Variants in GPS2 observed in about 807,000 individuals in gnomAD.
GPS2 encodes the protein G protein pathway suppressor 2.
In GPS2, 22 loss-of-function variants were observed where a neutral mutation model predicts 48.1. The ratio of observed to expected loss-of-function variants is 0.46; its 90% CI spans 0.33 to 0.65. The LOEUF (loss-of-function observed/expected upper bound fraction) is 0.65. Ranked by LOEUF, GPS2 falls within the 30% of genes least tolerant of loss-of-function variation. GPS2 has a pLI of 0.03. For missense variants in GPS2, 366 were observed against 406.8 expected, an observed-to-expected ratio of 0.90 and a Z score of 0.86; for synonymous variants, 202 against 142.5, an observed-to-expected ratio of 1.42 and a Z score of -2.98.
rs778162432 is a variant in GPS2 at position 7,312,706 on chromosome 17, C to G, written c.*50G>C. On this transcript the variant is annotated 3_prime_UTR_variant, in exon 11 of 11. Coordinates refer to ENST00000380728, the MANE Select transcript of GPS2 (RefSeq NM_004489.5). ...TGGCCTGGGACACACAGGGGATACC[C>G]TCACCCACGATGGGGTGGGGGGTGT... 1.8e-5 allele frequency: 25 copies of G among 1,423,002 alleles called. No individual in the cohort carries two copies. The highest frequency in any genetic ancestry group is 2.4e-5 in the Non-Finnish European group (24 of 1,006,028). 88.1% of individuals were successfully genotyped at this position (1,423,002 alleles called of 1,614,324 possible).
chr17:7,314,093 G>A lies in GPS2; in HGVS notation c.384C>T (p.Leu128=), dbSNP rs746478678. The change falls in exon 5 of 11, where the codon CTC becomes CTT. Residue 128 remains leucine (L), a synonymous_variant. Transcript: ENST00000380728. ...TTTAGTCCTCACCCTGCATGCTGAG[G>A]AGATGAGTTCCTGTGTGAACAGTCA... ...QSLTVHTGTH[L]LSMQGSPGGH... is the part of the protein sequence containing the mutation. 45 of 1,613,922 alleles carry A rather than the reference G, an allele frequency of 2.8e-5. No individual in the cohort carries two copies. Among genetic ancestry groups the A allele is most frequent in the African/African-American group, 1.9e-4 (14 of 74,900 alleles).
Position 7,313,387 on chromosome 17 carries a change from A to G in GPS2, c.717T>C (p.Thr239=). 1 of 1,614,034 alleles carries G rather than the reference A, an allele frequency of 6.2e-7. No individual in the cohort carries two copies. Among genetic ancestry groups the G allele is most frequent in the Non-Finnish European group, 8.5e-7 (1 of 1,179,888 alleles). ...TGCATGGGATGTTATCACCTGTCTGAGTGGGCTGAAAGTGGCCATGCACAG... is the reference window on the plus strand; with the variant it reads ...TGCATGGGATGTTATCACCTGTCTGGGTGGGCTGAAAGTGGCCATGCACAG... ...PYAVHGHFQP[T]QTGFLQPGGA... The change falls in exon 8 of 11, where the codon ACT becomes ACC. Residue 239 remains threonine, a synonymous_variant. Coordinates refer to ENST00000380728, the MANE Select transcript of GPS2 (RefSeq NM_004489.5).
intron 6 of GPS2, 62 bp from the exon 7 acceptor site, chr17:7,313,783 T>C: frequency 3.1e-6 from 5 of 1,593,290 alleles, no homozygotes; most frequent in Non-Finnish European, 4.3e-6. Flanking sequence ...CAGTGACTTG[T>C]GTGTATCTGT....
At chr17:7,315,148 C>A in intron 1 of GPS2, 29 bp from the exon 2 acceptor site, 1 of 858,572 alleles carries the variant, frequency 1.2e-6, no homozygotes, top group South Asian at 2.1e-5. Context: ...TCAGAGGGGG[C>A]CGCGCCCGGC....
At position 7,314,437 on chromosome 17, in the gene GPS2, G is replaced by A. The variant is rs369492417; in HGVS notation, c.205-34C>T. The A allele has an allele frequency of 8.7e-6, 14 of 1,614,090 alleles. No homozygotes were observed. In the South Asian group the frequency reaches 8.8e-5, roughly 10 times the overall value. On this transcript the variant is annotated intron_variant, in intron 3 of 10. Coordinates refer to ENST00000380728, the MANE Select transcript of GPS2 (RefSeq NM_004489.5). Reference sequence around the variant, plus strand: ...GGGTGGGAAAAGAAGATGAAGGCAGGGAGAGTCAAACGAAGAAATCAAAGC... The same window carrying A: ...GGGTGGGAAAAGAAGATGAAGGCAGAGAGAGTCAAACGAAGAAATCAAAGC...
chr17:7,313,038 T>C lies in GPS2; in HGVS notation c.891A>G (p.Pro297=), dbSNP rs146023090. 22 of 1,547,984 alleles carry C rather than the reference T, an allele frequency of 1.4e-5. No individual in the cohort carries two copies. The highest frequency in any genetic ancestry group is 2.7e-5 in the African/African-American group (2 of 72,996). ...ASPQLPVQMQ[P]AGKSGFAATS... is the part of the protein sequence containing the mutation. ...CTATTACCATTCTTACCTTTCCTGC[T>C]GGCTGCATCTGCACAGGGAGCTGGG... Residue 297 remains proline, a synonymous_variant, in exon 10 of 11, where the codon CCA becomes CCG. Transcript: ENST00000380728.
chr17:7,314,851 C>T, intron 2 of GPS2, 108 bp downstream of exon 2: 1 of 1,373,338 alleles, frequency 7.3e-7, no homozygotes, highest in Admixed American at 1.9e-5. Context: ...TTCCTTCCCT[C>T]CTCTGCGCTC....
chr17:7,313,998 G>A lies in GPS2; in HGVS notation c.398-10C>T. ...TGTCCTCCAGGGCTCCCTAGAAAGG[G>A]AGAAGGGCTTCATGATGCTGAAATG... On this transcript the variant is annotated splice_polypyrimidine_tract_variant and intron_variant, in intron 5 of 10. Coordinates refer to ENST00000380728, the MANE Select transcript of GPS2 (RefSeq NM_004489.5). The A allele has an allele frequency of 6.2e-7, 1 of 1,613,530 alleles. No individual in the cohort carries two copies. The highest frequency in any genetic ancestry group is 8.5e-7 in the Non-Finnish European group (1 of 1,179,482).
Position 7,313,893 on chromosome 17 carries a change from A to T in GPS2, c.480+13T>A. The T allele has an allele frequency of 6.2e-7, 1 of 1,611,644 alleles. No homozygotes were observed. The highest frequency in any genetic ancestry group is 8.5e-7 in the Non-Finnish European group (1 of 1,177,770). On this transcript the variant is annotated intron_variant, in intron 6 of 10. Coordinates refer to ENST00000380728, the MANE Select transcript of GPS2 (RefSeq NM_004489.5). ...GGAAGTACTAGGGGCTAGGCATCCAATCCTACTCTCACCGTAAGCACTTGG... is the reference window on the plus strand; with the variant it reads ...GGAAGTACTAGGGGCTAGGCATCCATTCCTACTCTCACCGTAAGCACTTGG...
Position 7,314,300 on chromosome 17 carries a change from T to C in GPS2, c.308A>G (p.Lys103Arg), listed in dbSNP as rs2072907864. The C allele has an allele frequency of 1.9e-6, 3 of 1,614,180 alleles. No individual in the cohort carries two copies. The highest frequency in any genetic ancestry group is 1.3e-5 in the African/African-American group (1 of 75,078). Residue 103 changes from lysine to arginine, a missense_variant, in exon 4 of 11, where the codon AAG becomes AGG. Physicochemically the swap from Lys to Arg is conservative, Grantham distance 26 (BLOSUM62 2). Transcript: ENST00000380728. ...VLHEEEKRRR[K>R]EQSDLTTLTS... is the part of the protein sequence containing the mutation. ...AGCACTCTGATCCCACCTCTGTTCCTTTCGCCTCCGTTTTTCTTCCTCATG... is the reference window on the plus strand; with the variant it reads ...AGCACTCTGATCCCACCTCTGTTCCCTTCGCCTCCGTTTTTCTTCCTCATG...
chr17:7,312,727 G>A lies in GPS2; in HGVS notation c.*29C>T. The A allele has an allele frequency of 6.5e-7, 1 of 1,542,370 alleles. No homozygotes were observed. Among genetic ancestry groups the A allele is most frequent in the Non-Finnish European group, 9.0e-7 (1 of 1,114,540 alleles). ...TACCCTCACCCACGATGGGGTGGGGGGTGTGGTGTTGAAGATATAATCTGA... is the reference window on the plus strand; with the variant it reads ...TACCCTCACCCACGATGGGGTGGGGAGTGTGGTGTTGAAGATATAATCTGA... On this transcript the variant is annotated 3_prime_UTR_variant, in exon 11 of 11. Transcript: ENST00000380728.
Position 7,312,855 on chromosome 17 carries a change from A to T in GPS2, c.901-16T>A, listed in dbSNP as rs750251794. 1 of 1,610,518 alleles carries T rather than the reference A, an allele frequency of 6.2e-7. No individual in the cohort carries two copies. The highest frequency in any genetic ancestry group is 8.5e-7 in the Non-Finnish European group (1 of 1,176,846). The stretch of plus-strand genomic sequence containing the variant: ...CAAAGCCCGACTGGTGGTGGTGATG[A>T]AAAGAGGGCTTTGTCACTGGGCATA... On this transcript the variant is annotated splice_polypyrimidine_tract_variant and intron_variant, in intron 10 of 10. Coordinates refer to ENST00000380728, the MANE Select transcript of GPS2 (RefSeq NM_004489.5).
At chr17:7,314,929 G>A (rs904633476) in intron 2 of GPS2, 30 bp downstream of exon 2, 2 of 1,556,056 alleles carry the variant, frequency 1.3e-6, no homozygotes, top group Admixed American at 3.8e-5. Flanking sequence ...ATTCTGGGCC[G>A]TGCGTCCCCC....
At chr17:7,314,762 G>T in intron 2 of GPS2, 165 bp from the exon 3 acceptor site, 1 of 1,396,856 alleles carries the variant, frequency 7.2e-7, no homozygotes, top group Non-Finnish European at 9.9e-7. Context: ...GGCTTTATCA[G>T]GTGCTCTCCA....
chr17:7,312,836 C>T lies in GPS2; in HGVS notation c.904G>A (p.Gly302Ser). The change falls in exon 11 of 11, where the codon GGC (glycine) becomes AGC (serine). Residue 302 changes from glycine (G) to serine (S), a missense_variant. Physicochemically the swap from Gly to Ser is moderately conservative, Grantham distance 56. Transcript: ENST00000380728. ...PVQMQPAGKSGFAATSQPGPR... is the reference protein window; with the variant it reads ...PVQMQPAGKSSFAATSQPGPR... ...CCAGGTTGGCTGGTAGCTGCAAAGC[C>T]CGACTGGTGGTGGTGATGAAAAGAG... 2 of 1,613,698 alleles carry T rather than the reference C, an allele frequency of 1.2e-6. No individual in the cohort carries two copies. Among genetic ancestry groups the T allele is most frequent in the Non-Finnish European group, 8.5e-7 (1 of 1,179,748 alleles).
chr17:7,312,813 A>G lies in GPS2; in HGVS notation c.927T>C (p.Pro309=). Residue 309 remains proline (P), a synonymous_variant, in exon 11 of 11, where the codon CCT becomes CCC. Coordinates refer to ENST00000380728, the MANE Select transcript of GPS2 (RefSeq NM_004489.5). ...GTTGGATGAAGGGGAGCCGAGGGCC[A>G]GGTTGGCTGGTAGCTGCAAAGCCCG... The part of the protein sequence containing the change: ...GKSGFAATSQ[P]GPRLPFIQHS... 6.2e-7 allele frequency: 1 copy of G among 1,614,084 alleles called. No homozygotes were observed. The highest frequency in any genetic ancestry group is 1.3e-5 in the African/African-American group (1 of 75,034).
At chr17:7,313,331 A>G (rs2143010321) in intron 8 of GPS2, 40 bp from the exon 9 acceptor site, 1 of 1,610,978 alleles carries the variant, frequency 6.2e-7, no homozygotes, top group Middle Eastern at 1.7e-4. Context: ...AGAATGAAAC[A>G]GGGAGGGGAG....
At position 7,314,008 on chromosome 17, in the gene GPS2, T is replaced by G; in HGVS notation, c.398-20A>C. Reference sequence around the variant, plus strand: ...GGCTCCCTAGAAAGGGAGAAGGGCTTCATGATGCTGAAATGGGAGGCTGTG... The same window carrying G: ...GGCTCCCTAGAAAGGGAGAAGGGCTGCATGATGCTGAAATGGGAGGCTGTG... On this transcript the variant is annotated intron_variant, in intron 5 of 10. Coordinates refer to ENST00000380728, the MANE Select transcript of GPS2 (RefSeq NM_004489.5). 6.2e-7 allele frequency: 1 copy of G among 1,612,450 alleles called. No individual in the cohort carries two copies. The highest frequency in any genetic ancestry group is 8.5e-7 in the Non-Finnish European group (1 of 1,178,588).
At position 7,313,213 on chromosome 17, in the gene GPS2, G is replaced by A. The variant is rs1221616487; in HGVS notation, c.803C>T (p.Ser268Leu). ...HANQQTGFSD[S>L]SSLRPMHPQA... Reference sequence around the variant, plus strand: ...GACCTCCCAAGGTGCCATACTCACTGAGTCGGAGAAGCCAGTCTGCTGGTT... The same window carrying A: ...GACCTCCCAAGGTGCCATACTCACTAAGTCGGAGAAGCCAGTCTGCTGGTT... The change falls in exon 9 of 11, where the codon TCA (serine) becomes TTA (leucine). Residue 268 changes from serine to leucine, a missense_variant and splice_region_variant. Physicochemically the swap from Ser to Leu is moderately radical, Grantham distance 145. Transcript: ENST00000380728. 2 of 1,613,900 alleles carry A rather than the reference G, an allele frequency of 1.2e-6. No individual in the cohort carries two copies. Among genetic ancestry groups the A allele is most frequent in the Admixed American group, 1.7e-5 (1 of 60,024 alleles).
Sources: allele counts gnomAD v4.1 joint callset, GRCh38; gene constraint gnomAD v4.1.1; transcripts MANE v1.5; gene names NCBI Gene and HGNC (gene_info 2026-07-23, HGNC 2026-07-21).